UBAP2: variants seen among roughly 807,000 people sequenced by gnomAD.
UBAP2 encodes ubiquitin associated protein 2.
UBAP2 carries 75 observed loss-of-function variants against 139.6 expected under a neutral mutation model. The observed-to-expected ratio is 0.54, with a 90% CI of 0.45 to 0.65. The LOEUF (loss-of-function observed/expected upper bound fraction) is 0.65, where lower values mean the gene tolerates loss of function less well. Among genes scored for constraint, UBAP2 ranks in the 30% least tolerant of loss-of-function variants. The pLI, the probability that UBAP2 is intolerant of heterozygous loss-of-function variation, is 0.00. For missense variants in UBAP2, 1,368 were observed against 1,369.6 expected (o/e 1.00, Z 0.02); for synonymous variants, 526 against 526.2 (o/e 1.00, Z 0.01).
At position 33,951,332 on chromosome 9, in the gene UBAP2, A is replaced by ATTT. The variant is rs57473520; in HGVS notation, c.1056+1950_1056+1952dup. Among the ~76,000 whole-genome samples, 25 of 68,998 alleles carry ATTT rather than the reference A, an allele frequency of 3.6e-4. 1 individual carries two copies. Among genetic ancestry groups the ATTT allele is most frequent in the African/African-American group, 1.2e-3 (24 of 19,366 alleles). The allele number at this position is 68,998 out of a possible 152,430, so 45.3% of individuals were successfully genotyped here. ...CATGCCATGCCTGGCCTCCCCAATG[A>ATTT]TTTTTTTTTTTTTTTTTTTTTTTTT... On this transcript the variant is annotated intron_variant, in intron 12 of 28. Transcript: ENST00000379238.
At chr9:33,985,775 G>A (rs1403304907) in intron 6 of UBAP2, among the ~76,000 whole-genome samples, 4 of 152,032 alleles carry the variant, frequency 2.6e-5, no homozygotes, top group Non-Finnish European at 4.4e-5. Context: ...TAATCCTACC[G>A]CTTTGGGAGG....
intron 17 of UBAP2, 42 bp downstream of exon 17, chr9:33,935,797 T>G: frequency 6.2e-7 from 1 of 1,613,068 alleles, no homozygotes; most frequent in Non-Finnish European, 8.5e-7. Flanking sequence ...CTCTGTTTGG[T>G]TGGCACCAGC....
At chr9:33,970,290 G>A (rs572139626) in intron 8 of UBAP2, among the ~76,000 whole-genome samples, 2 of 151,888 alleles carry the variant, frequency 1.3e-5, no homozygotes, top group Non-Finnish European at 2.9e-5. Context: ...GAAGCTTAAC[G>A]ATTTTACTAG....
intron 1 of UBAP2, among the ~76,000 whole-genome samples, chr9:34,028,386 T>TTATTTATTTATTTATC (rs1825596947): frequency 6.6e-6 from 1 of 151,546 alleles, no homozygotes; most frequent in East Asian, 1.9e-4. Context: ...ATTTATTTAT[T>TTATTTATTTATTTATC]TATTTATTTT....
At chr9:33,969,922 T>A (rs1254818527) in intron 8 of UBAP2, among the ~76,000 whole-genome samples, 1 of 18,802 alleles carries the variant, frequency 5.3e-5, no homozygotes, top group East Asian at 3.1e-3. Context: ...TGTATAATTC[T>A]TTTTTTTTTT....
intron 18 of UBAP2, among the ~76,000 whole-genome samples, chr9:33,933,220 A>C (rs948786797): frequency 1.3e-5 from 2 of 152,160 alleles, no homozygotes; most frequent in Admixed American, 6.5e-5. Flanking sequence ...TGGAGGGTGA[A>C]GACAGGTAGG....
intron 8 of UBAP2, among the ~76,000 whole-genome samples, chr9:33,971,086 A>G (rs1334776504): frequency 6.6e-6 from 1 of 152,234 alleles, no homozygotes; most frequent in Non-Finnish European, 1.5e-5. Flanking sequence ...TACAGGTGTG[A>G]GCCACCGCGC....
intron 18 of UBAP2, 62 bp from the exon 19 acceptor site, chr9:33,932,690 G>C (rs307648): frequency 0.38 from 603,850 of 1,577,856 alleles, 118,000 homozygotes; most frequent in South Asian, 0.48. Context: ...TGAACAAGAC[G>C]CACGTGGGTC....
At chr9:34,007,083 AG>A (rs1483473675) in intron 2 of UBAP2, among the ~76,000 whole-genome samples, 1 of 152,198 alleles carries the variant, frequency 6.6e-6, no homozygotes, top group East Asian at 1.9e-4. Flanking sequence ...TGGAGTTTTT[AG>A]GTTTTTCTAA....
At chr9:33,943,885 G>A (rs900148242) in intron 14 of UBAP2, among the ~76,000 whole-genome samples, 3 of 151,914 alleles carry the variant, frequency 2.0e-5, no homozygotes, top group Admixed American at 1.3e-4. Context: ...TGGACAACAC[G>A]GCGAGACCCT....
At chr9:34,032,910 T>C (rs1826009825) in intron 1 of UBAP2, among the ~76,000 whole-genome samples, 2 of 127,880 alleles carry the variant, frequency 1.6e-5, no homozygotes, top group African/African-American at 2.9e-5. Context: ...AGCAAGACCC[T>C]GTCTTCAAAA....
chr9:33,975,803 A>C (rs1441841061), intron 6 of UBAP2, among the ~76,000 whole-genome samples: 1 of 125,062 alleles, frequency 8.0e-6, no homozygotes, highest in African/African-American at 2.6e-5. Flanking sequence ...CTCCGTCTCA[A>C]AAAAAAAAAA....
chr9:34,023,219 C>CAAA (rs773859149), intron 1 of UBAP2, among the ~76,000 whole-genome samples: 2 of 95,234 alleles, frequency 2.1e-5, no homozygotes, highest in Non-Finnish European at 4.2e-5. Context: ...AAGACTGTCT[C>CAAA]AAAAAAAAAA....
chr9:34,016,990 C>G (rs1457117595), intron 2 of UBAP2, 60 bp downstream of exon 2: 5 of 1,222,666 alleles, frequency 4.1e-6, no homozygotes. Flanking sequence ...CCTAAAACTT[C>G]AAGTATAATA....
intron 14 of UBAP2, among the ~76,000 whole-genome samples, chr9:33,943,810 T>TATAC (rs1456285557): frequency 1.3e-5 from 2 of 152,100 alleles, no homozygotes; most frequent in Non-Finnish European, 2.9e-5. Flanking sequence ...CTCATGCCTG[T>TATAC]AATCCCAGGA....
At chr9:34,018,097 A>C (rs559918667) in intron 1 of UBAP2, among the ~76,000 whole-genome samples, 1 of 152,060 alleles carries the variant, frequency 6.6e-6, no homozygotes, top group East Asian at 1.9e-4. Context: ...TAAGATGGGA[A>C]GACTGCTTGA....
intron 10 of UBAP2, among the ~76,000 whole-genome samples, chr9:33,957,068 G>T (rs1426193528): frequency 6.6e-6 from 1 of 150,638 alleles, no homozygotes; most frequent in Admixed American, 6.6e-5. Flanking sequence ...CAGCCTAGGG[G>T]ACAAAGTGAG....
At chr9:33,958,784 CA>C (rs1826782289) in intron 10 of UBAP2, among the ~76,000 whole-genome samples, 1 of 144,380 alleles carries the variant, frequency 6.9e-6, no homozygotes. Flanking sequence ...GAGGCTGAGG[CA>C]AGAGGATCCC....
At chr9:34,003,372 T>C (rs1054432008) in intron 2 of UBAP2, among the ~76,000 whole-genome samples, 1 of 102,306 alleles carries the variant, frequency 9.8e-6, no homozygotes, top group Non-Finnish European at 2.0e-5. Context: ...ACATCAAAGA[T>C]GGCTTTTTTT....
Sources: allele counts gnomAD v4.1 joint callset (sites outside exome capture counted in the v4.1 genomes callset), GRCh38; gene constraint gnomAD v4.1.1; transcripts MANE v1.5; gene names NCBI Gene and HGNC (gene_info 2026-07-23, HGNC 2026-07-21).